CD5L: variants seen among roughly 807,000 people sequenced by gnomAD.
CD5L encodes CD5 antigen-like.
CD5L carries 39 observed loss-of-function variants against 40.8 expected under a neutral mutation model. That is an observed-to-expected ratio of 0.96 (90% CI 0.74 to 1.25). The LOEUF is 1.25. Among genes scored for constraint, CD5L ranks in the 50% most tolerant of loss-of-function variants. CD5L has a pLI of 0.00. For synonymous variants in CD5L, 192 were observed against 169.6 expected (o/e 1.13, Z -1.03); for missense variants, 433 against 435.9 (o/e 0.99, Z 0.06).
At chr1:157,834,386 C>T (rs1656133774) in intron 4 of CD5L, 21 bp downstream of exon 4, 1 of 1,585,628 alleles carries the variant, frequency 6.3e-7, no homozygotes, top group African/African-American at 1.3e-5. Flanking sequence ...TAAACCTAGT[C>T]TTTGGACGCA....
At chr1:157,828,606 T>C (rs1442247623), downstream of CD5L, among the ~76,000 whole-genome samples, 2 of 152,144 alleles carry the variant, frequency 1.3e-5, no homozygotes, top group African/African-American at 4.8e-5. Context: ...ACACAGTGCC[T>C]CAGAAGACCC....
chr1:157,837,969 G>T (rs1656266003), intron 2 of CD5L, among the ~76,000 whole-genome samples: 1 of 151,820 alleles, frequency 6.6e-6, no homozygotes, highest in South Asian at 2.1e-4. Context: ...GTAGAGACGG[G>T]ATTTCACTGT....
At chr1:157,832,408 A>G (rs1446531702) in intron 5 of CD5L, among the ~76,000 whole-genome samples, 4 of 152,186 alleles carry the variant, frequency 2.6e-5, no homozygotes, top group South Asian at 4.1e-4. Flanking sequence ...ACCTTGGTCA[A>G]CTATCAGTTC....
intron 2 of CD5L, 43 bp from the exon 3 acceptor site, chr1:157,836,198 C>A: frequency 6.5e-7 from 1 of 1,543,452 alleles, no homozygotes; most frequent in South Asian, 1.2e-5. Flanking sequence ...GAGAGGAGCT[C>A]AGAGGGTCCT....
intron 2 of CD5L, among the ~76,000 whole-genome samples, chr1:157,837,555 C>T (rs985741059): frequency 3.9e-5 from 6 of 152,064 alleles, no homozygotes; most frequent in African/African-American, 1.2e-4. Flanking sequence ...GGAGAGGCCA[C>T]GTTTGGACTG....
downstream of CD5L, among the ~76,000 whole-genome samples, chr1:157,827,447 G>T (rs1161578030): frequency 6.6e-6 from 1 of 152,168 alleles, no homozygotes; most frequent in South Asian, 2.1e-4. Context: ...ACCTGATGTT[G>T]TAAGTTCTGA....
At chr1:157,840,880 G>A (rs1656353161) in intron 1 of CD5L, among the ~76,000 whole-genome samples, 1 of 152,120 alleles carries the variant, frequency 6.6e-6, no homozygotes, top group African/African-American at 2.4e-5. Flanking sequence ...TTTAAGATGT[G>A]GTCAGTACCT....
At chr1:157,841,350 T>G (rs1253162597) in intron 1 of CD5L, among the ~76,000 whole-genome samples, 1 of 152,210 alleles carries the variant, frequency 6.6e-6, no homozygotes, top group Non-Finnish European at 1.5e-5. Flanking sequence ...TGGCTCTACT[T>G]GCTGCTGCCC....
At chr1:157,827,490 C>T (rs138057216), downstream of CD5L, among the ~76,000 whole-genome samples, 2 of 152,204 alleles carry the variant, frequency 1.3e-5, no homozygotes, top group Admixed American at 6.5e-5. Context: ...TCAGGGGCAC[C>T]AAGTATAAGT....
intron 5 of CD5L, 104 bp from the exon 6 acceptor site, chr1:157,832,072 A>C (rs147557606): frequency 0.013 from 11,780 of 911,494 alleles, 102 homozygotes; most frequent in Non-Finnish European, 0.017. Flanking sequence ...GGCTCAACAT[A>C]GGAAAAAGAG....
intron 3 of CD5L, 82 bp downstream of exon 3, chr1:157,835,753 A>G: frequency 8.7e-7 from 1 of 1,144,180 alleles, no homozygotes; most frequent in Non-Finnish European, 1.3e-6. Flanking sequence ...GTGAACGTCT[A>G]TGGTAGGGAA....
In CD5L at chr1:157,833,237, AC is replaced by A; in HGVS notation, c.993del (p.His333ThrfsTer36). ...TCTTCCTGGTGGGTGCAGTCGTGAA[AC>A]CCCCAAAATCTGTGCTGGCACTGCT... ...SLEQCQHRFW[G>X]FHDCTHQEDV... On this transcript the variant is annotated frameshift_variant, in exon 5 of 6. Coordinates refer to ENST00000368174, the MANE Select transcript of CD5L (RefSeq NM_005894.3). LOFTEE classifies it high-confidence loss of function. 1 of 1,613,846 alleles carries A rather than the reference AC, an allele frequency of 6.2e-7. No individual in the cohort carries two copies. The highest frequency in any genetic ancestry group is 8.5e-7 in the Non-Finnish European group (1 of 1,179,946).
chr1:157,833,494 A>G lies in CD5L; in HGVS notation c.737T>C (p.Leu246Pro). ...VECEDPFDLRLVGGDNLCSGR... is the reference protein window; with the variant it reads ...VECEDPFDLRPVGGDNLCSGR... ...AGAGCAGAGGTTGTCTCCTCCTACTAGTCTCAAGTCAAAGGGATCTGCAGG... is the reference window on the plus strand; with the variant it reads ...AGAGCAGAGGTTGTCTCCTCCTACTGGTCTCAAGTCAAAGGGATCTGCAGG... Residue 246 changes from leucine (L) to proline (P), a missense_variant, in exon 5 of 6, where the codon CTA becomes CCA. Leu to Pro is a moderately conservative substitution (Grantham distance 98). Transcript: ENST00000368174. The G allele has an allele frequency of 6.2e-7, 1 of 1,611,558 alleles. No homozygotes were observed.
chr1:157,830,588 C>G (rs1171381789), downstream of CD5L, among the ~76,000 whole-genome samples: 2 of 152,136 alleles, frequency 1.3e-5, no homozygotes, highest in Non-Finnish European at 2.9e-5. Flanking sequence ...GAGCCAGAGA[C>G]CAGTGTGGTT....
chr1:157,834,575 C>G lies in CD5L; in HGVS notation c.550G>C (p.Ala184Pro), dbSNP rs754827171. Reference protein sequence around the residue: ...VVCRQLGCGRAVLTQKRCNKH... With the variant: ...VVCRQLGCGRPVLTQKRCNKH... ...TTGCAGCGTTTTTGAGTCAGTACAG[C>G]CCTCCCACATCCCAGCTGCCGGCAC... Residue 184 changes from alanine (A) to proline (P), a missense_variant, in exon 4 of 6, where the codon GCT becomes CCT. By Grantham distance (27) the Ala-to-Pro change is conservative. Transcript: ENST00000368174. 6.2e-7 allele frequency: 1 copy of G among 1,614,040 alleles called. No homozygotes were observed. Among genetic ancestry groups the G allele is most frequent in the East Asian group, 2.2e-5 (1 of 44,894 alleles).
At chr1:157,835,518 C>A (rs934282492) in intron 3 of CD5L, among the ~76,000 whole-genome samples, 1 of 152,198 alleles carries the variant, frequency 6.6e-6, no homozygotes. Context: ...TAACTCCATG[C>A]CCAGCTCCAG....
In CD5L at chr1:157,836,084, C is replaced by A. The variant is rs770689514; in HGVS notation, c.127G>T (p.Gly43Cys). The change falls in exon 3 of 6, where the codon GGC (glycine) becomes TGC (cysteine). Residue 43 changes from glycine (G) to cysteine (C), a missense_variant. Physicochemically the swap from Gly to Cys is radical, Grantham distance 159. Transcript: ENST00000368174. ...CEGRVEVEQK[G>C]QWGTVCDDGW... is the part of the protein sequence containing the mutation. ...TCATCACACACGGTGCCCCACTGGC[C>A]TTTCTGTTCCACCTCCACCCGCCCT... 1 of 1,614,090 alleles carries A rather than the reference C, an allele frequency of 6.2e-7. No homozygotes were observed. Among genetic ancestry groups the A allele is most frequent in the Non-Finnish European group, 8.5e-7 (1 of 1,180,012 alleles).
chr1:157,833,589 A>T, intron 4 of CD5L, 77 bp from the exon 5 acceptor site: 2 of 1,189,328 alleles, frequency 1.7e-6, no homozygotes, highest in South Asian at 1.5e-5. Flanking sequence ...TATTTTTAAA[A>T]TTTTTTCATT....
At position 157,831,450 on chromosome 1, in the gene CD5L, A is replaced by G; in HGVS notation, c.*514T>C. On this transcript the variant is annotated 3_prime_UTR_variant, in exon 6 of 6. Transcript: ENST00000368174. ...CACCTGAAGCTTGAGGAAAAAAAAA[A>G]AAAGTAGTCCAATCAAAAGAATTCT... 1 of 985,526 alleles carries G rather than the reference A, an allele frequency of 1.0e-6. No homozygotes were observed. The highest frequency in any genetic ancestry group is 5.2e-4 in the Middle Eastern group (1 of 1,914). The allele number at this position is 985,526 out of a possible 1,614,324, so 61.0% of individuals were successfully genotyped here.
Sources: gnomAD v4.1 joint callset for allele counts (sites outside exome capture counted in the v4.1 genomes callset) on GRCh38, gnomAD v4.1.1 for gene constraint, MANE v1.5 for transcripts, NCBI Gene and HGNC (gene_info 2026-07-23, HGNC 2026-07-21) for gene names.